SPMAP2L: variants seen among roughly 807,000 people sequenced by gnomAD.
SPMAP2L encodes the protein sperm microtubule associated protein 2-like.
At chr4:56,544,192 T>C in the SPMAP2L span, among the ~76,000 whole-genome samples, 4 of 152,130 alleles carry the variant, frequency 2.6e-5, no homozygotes, top group Non-Finnish European at 4.4e-5. Flanking sequence ...TTTCACCATG[T>C]TGGCCAGGCT....
chr4:56,595,480 G>C, the SPMAP2L span: 1 of 1,593,042 alleles, frequency 6.3e-7, no homozygotes, highest in Non-Finnish European at 8.6e-7. Flanking sequence ...CGACCCCAGG[G>C]TCAATCCGCT....
the SPMAP2L span, among the ~76,000 whole-genome samples, chr4:56,598,210 C>T: frequency 6.6e-6 from 1 of 152,160 alleles, no homozygotes; most frequent in Non-Finnish European, 1.5e-5. Flanking sequence ...TAGTAGATGT[C>T]ATCCTAGGTA....
chr4:56,581,149 C>T, the SPMAP2L span, among the ~76,000 whole-genome samples: 1 of 151,624 alleles, frequency 6.6e-6, no homozygotes. Flanking sequence ...ACCTCATTTT[C>T]TACTAAAAAT....
chr4:56,537,889 T>C, the SPMAP2L span, among the ~76,000 whole-genome samples: 1 of 152,190 alleles, frequency 6.6e-6, no homozygotes, highest in Non-Finnish European at 1.5e-5. Flanking sequence ...GAGACGGGGT[T>C]TCACCATGTT....
At chr4:56,530,713 T>C in the SPMAP2L span, 2 of 1,535,274 alleles carry the variant, frequency 1.3e-6, no homozygotes, top group Non-Finnish European at 1.7e-6. Context: ...ATCTGCGCCG[T>C]CCGAGGTGAC....
At chr4:56,559,404 G>A in the SPMAP2L span, 1 of 1,513,884 alleles carries the variant, frequency 6.6e-7, no homozygotes, top group South Asian at 1.2e-5. Flanking sequence ...AACTGTTTTG[G>A]GGAAATCAAG....
At chr4:56,603,408 G>A in the SPMAP2L span, 1 of 946,324 alleles carries the variant, frequency 1.1e-6, no homozygotes, top group Non-Finnish European at 1.5e-6. Flanking sequence ...GGTACTGTCA[G>A]TTTACATTCA....
chr4:56,542,972 G>A, the SPMAP2L span, among the ~76,000 whole-genome samples: 3 of 151,584 alleles, frequency 2.0e-5, no homozygotes, highest in African/African-American at 7.3e-5. Context: ...AAATTATCAC[G>A]AGCCATCAGA....
chr4:56,567,541 G>A, the SPMAP2L span, among the ~76,000 whole-genome samples: 19 of 147,334 alleles, frequency 1.3e-4, no homozygotes, highest in East Asian at 1.4e-3. Context: ...CCGCCGCCTC[G>A]GCCTCCCAAA....
At chr4:56,544,737 A>C in the SPMAP2L span, among the ~76,000 whole-genome samples, 3 of 152,086 alleles carry the variant, frequency 2.0e-5, no homozygotes, top group African/African-American at 7.2e-5. Context: ...TGCCGGCCGC[A>C]CGCGCTCTGG....
chr4:56,616,668 G>A, the SPMAP2L span, among the ~76,000 whole-genome samples: 1 of 152,222 alleles, frequency 6.6e-6, no homozygotes, highest in Non-Finnish European at 1.5e-5. Flanking sequence ...GAAATAGCCA[G>A]GGCTGTAGAC....
chr4:56,585,479 G>A, the SPMAP2L span, among the ~76,000 whole-genome samples: 11 of 152,044 alleles, frequency 7.2e-5, no homozygotes, highest in African/African-American at 2.7e-4. Flanking sequence ...GAATAGTTGG[G>A]ACTACAGGTG....
At chr4:56,575,308 A>G in the SPMAP2L span, among the ~76,000 whole-genome samples, 3 of 152,190 alleles carry the variant, frequency 2.0e-5, no homozygotes, top group Non-Finnish European at 4.4e-5. Context: ...TGTTTTGAGT[A>G]TAATAGAAGC....
the SPMAP2L span, chr4:56,594,356 G>A: frequency 2.6e-6 from 4 of 1,542,700 alleles, no homozygotes; most frequent in East Asian, 4.5e-5. Context: ...CAGTTCGTCT[G>A]AACTCGCACC....
the SPMAP2L span, chr4:56,596,494 C>T: frequency 6.6e-7 from 1 of 1,510,654 alleles, no homozygotes; most frequent in Non-Finnish European, 8.8e-7. Flanking sequence ...TATTTTTCTC[C>T]CCTAGATGCA....
chr4:56,585,923 C>G, the SPMAP2L span, among the ~76,000 whole-genome samples: 1 of 152,200 alleles, frequency 6.6e-6, no homozygotes, highest in Non-Finnish European at 1.5e-5. Context: ...ACAGAGAACC[C>G]AGCCTTAAAG....
chr4:56,545,537 G>A, the SPMAP2L span, among the ~76,000 whole-genome samples: 3,312 of 152,056 alleles, frequency 0.022, 126 homozygotes, highest in African/African-American at 0.07. Context: ...ACCAGCCTGG[G>A]CACCATAGTG....
the SPMAP2L span, among the ~76,000 whole-genome samples, chr4:56,540,566 T>TTA: frequency 9.1e-4 from 135 of 147,838 alleles, no homozygotes; most frequent in African/African-American, 3.3e-3. Context: ...AGCCATATAA[T>TTA]ACCTTCTGAT....
chr4:56,607,088 A>T, the SPMAP2L span, among the ~76,000 whole-genome samples: 1 of 152,096 alleles, frequency 6.6e-6, no homozygotes, highest in Non-Finnish European at 1.5e-5. Context: ...CAGGATAGAG[A>T]GTGCTCTGGT....
Sources: allele counts gnomAD v4.1 joint callset (sites outside exome capture counted in the v4.1 genomes callset), GRCh38; gene constraint gnomAD v4.1.1; transcripts MANE v1.5; gene names NCBI Gene and HGNC (gene_info 2026-07-23, HGNC 2026-07-21).